TRPC4: variants seen among roughly 807,000 people sequenced by gnomAD.
TRPC4 encodes the protein transient receptor potential cation channel subfamily C member 4.
In TRPC4, 49 loss-of-function variants were observed where a neutral mutation model predicts 99.4. The ratio of observed to expected loss-of-function variants is 0.49; its 90% CI spans 0.39 to 0.63. The LOEUF is 0.63. Ranked by LOEUF, TRPC4 falls within the 20% of genes least tolerant of loss-of-function variation. The probability of loss-of-function intolerance (pLI) is 0.00; values close to 1 mark genes in which losing one functional copy is unlikely to be tolerated. For synonymous variants in TRPC4, 454 were observed against 425.9 expected (o/e 1.07, Z -0.81); for missense variants, 898 against 1,152.9 (o/e 0.78, Z 3.20).
At position 37,636,854 on chromosome 13, in the gene TRPC4, C is replaced by G. The variant is rs1392135553; in HGVS notation, c.*49G>C. 3 of 1,555,944 alleles carry G rather than the reference C, an allele frequency of 1.9e-6. No individual in the cohort carries two copies. Among genetic ancestry groups the G allele is most frequent in the Non-Finnish European group, 2.6e-6 (3 of 1,152,434 alleles). On this transcript the variant is annotated 3_prime_UTR_variant, in exon 11 of 11. Transcript: ENST00000379705. ...TTTAAACATTTTCCCCCACCCAGAGCACTACGGAAAATACGTATGTGTATG... is the reference window on the plus strand; with the variant it reads ...TTTAAACATTTTCCCCCACCCAGAGGACTACGGAAAATACGTATGTGTATG...
At chr13:37,645,594 GTTC>G (rs1358804304) in intron 8 of TRPC4, among the ~76,000 whole-genome samples, 25 of 152,248 alleles carry the variant, frequency 1.6e-4, no homozygotes, top group Admixed American at 1.6e-3. Flanking sequence ...AGCTTGCTGT[GTTC>G]TTCTCCTTTC....
chr13:37,637,368 C>CA lies in TRPC4; in HGVS notation c.2468dup (p.Val824GlyfsTer27), dbSNP rs764961777. The CA allele has an allele frequency of 6.2e-7, 1 of 1,613,630 alleles. No individual in the cohort carries two copies. Among genetic ancestry groups the CA allele is most frequent in the South Asian group, 1.1e-5 (1 of 91,066 alleles). ...TCTCCCTGGGCGGCTCCTGAACCAC[C>CA]AGGGCAGAGCCATTGCTTATGTTAT... On this transcript the variant is annotated frameshift_variant, in exon 11 of 11. Transcript: ENST00000379705. LOFTEE classifies it high-confidence loss of function.
chr13:37,851,711 GT>G (rs1959063119), intron 1 of TRPC4, among the ~76,000 whole-genome samples: 1 of 152,192 alleles, frequency 6.6e-6, no homozygotes, highest in Admixed American at 6.5e-5. Flanking sequence ...TGGTTTTAAT[GT>G]TATATCATTG....
intron 1 of TRPC4, among the ~76,000 whole-genome samples, chr13:37,804,849 C>T (rs1957490282): frequency 6.6e-6 from 1 of 151,908 alleles, no homozygotes; most frequent in Admixed American, 6.6e-5. Flanking sequence ...TCCAAGTAAT[C>T]CCACACTTAA....
chr13:37,674,583 C>G (rs557301532), intron 4 of TRPC4, among the ~76,000 whole-genome samples: 2 of 152,284 alleles, frequency 1.3e-5, no homozygotes, highest in African/African-American at 4.8e-5. Flanking sequence ...TTAGGACAGC[C>G]TCACTTTCTT....
chr13:37,639,173 T>C (rs368517467), intron 9 of TRPC4, 44 bp from the exon 10 acceptor site: 38 of 1,613,066 alleles, frequency 2.4e-5, no homozygotes, highest in Non-Finnish European at 3.2e-5. Flanking sequence ...AATGAGTAAA[T>C]AAATTTCCTC....
intron 6 of TRPC4, among the ~76,000 whole-genome samples, chr13:37,661,308 T>C (rs995104706): frequency 1.3e-5 from 2 of 152,232 alleles, no homozygotes; most frequent in East Asian, 3.9e-4. Flanking sequence ...GTTTGTAATA[T>C]GTTATTACTT....
At chr13:37,732,385 G>A (rs1186646493) in intron 3 of TRPC4, among the ~76,000 whole-genome samples, 1 of 152,056 alleles carries the variant, frequency 6.6e-6, no homozygotes, top group Non-Finnish European at 1.5e-5. Context: ...AAAGTTGACA[G>A]CATTCCTGTT....
intron 1 of TRPC4, among the ~76,000 whole-genome samples, chr13:37,868,252 G>C (rs1436122278): frequency 6.6e-6 from 1 of 151,692 alleles, no homozygotes; most frequent in Non-Finnish European, 1.5e-5. Flanking sequence ...ATATCTTTCA[G>C]AATGACCAGT....
chr13:37,644,888 AAAAAG>A (rs1425333859), intron 8 of TRPC4, among the ~76,000 whole-genome samples: 12 of 150,828 alleles, frequency 8.0e-5, no homozygotes, highest in Non-Finnish European at 1.6e-4. Context: ...AAAAAAAAAA[AAAAAG>A]AAAGAAATTT....
chr13:37,708,463 A>G (rs1296068464), intron 3 of TRPC4, among the ~76,000 whole-genome samples: 1 of 152,054 alleles, frequency 6.6e-6, no homozygotes, highest in Non-Finnish European at 1.5e-5. Flanking sequence ...TACCCAAAAC[A>G]TTGTTGAAAG....
intron 1 of TRPC4, among the ~76,000 whole-genome samples, chr13:37,787,934 G>A (rs923925982): frequency 5.9e-5 from 9 of 151,884 alleles, no homozygotes; most frequent in African/African-American, 1.9e-4. Flanking sequence ...CTTTGCAATG[G>A]TATATTCCCA....
chr13:37,714,328 C>T (rs181251343), intron 3 of TRPC4, among the ~76,000 whole-genome samples: 21 of 152,030 alleles, frequency 1.4e-4, no homozygotes, highest in Admixed American at 6.6e-4. Flanking sequence ...GGTTTCACCA[C>T]GTTCACAAGA....
At chr13:37,753,575 A>AAGAGAGAGAGAGAGAGAGAG (rs61394712) in intron 2 of TRPC4, among the ~76,000 whole-genome samples, 39 of 137,340 alleles carry the variant, frequency 2.8e-4, no homozygotes, top group Admixed American at 1.7e-3. Flanking sequence ...GAGAGAGAGA[A>AAGAGAGAGAGAGAGAGAGAG]AGAGAGAGAG....
rs776338457 is a variant in TRPC4, at chr13:37,637,667, C to T, written c.2212-42G>A. 3.9e-5 allele frequency: 59 copies of T among 1,516,548 alleles called. 1 individual carries two copies. Among genetic ancestry groups the T allele is most frequent in the Non-Finnish European group, 4.2e-5 (48 of 1,133,526 alleles). 93.9% of individuals were successfully genotyped at this position (1,516,548 alleles called of 1,614,324 possible). On this transcript the variant is annotated intron_variant, in intron 10 of 10. Transcript: ENST00000379705. ...ATGAAAAATTCGGTTATGACTTAAACATTTGGAAACATCATTTTCTCGTCT... is the reference window on the plus strand; with the variant it reads ...ATGAAAAATTCGGTTATGACTTAAATATTTGGAAACATCATTTTCTCGTCT...
intron 3 of TRPC4, among the ~76,000 whole-genome samples, chr13:37,717,136 A>C (rs1593577864): frequency 6.6e-6 from 1 of 152,154 alleles, no homozygotes; most frequent in Admixed American, 6.6e-5. Context: ...GGGAGTTATA[A>C]GGGAGAAAAT....
chr13:37,724,740 C>T (rs560519117), intron 3 of TRPC4, among the ~76,000 whole-genome samples: 153 of 152,100 alleles, frequency 1.0e-3, no homozygotes, highest in Non-Finnish European at 2.0e-3. Context: ...TTGGCAAGGC[C>T]CAAGATTCCA....
intron 1 of TRPC4, among the ~76,000 whole-genome samples, chr13:37,837,307 AC>A (rs1412380053): frequency 1.3e-5 from 2 of 152,176 alleles, no homozygotes; most frequent in African/African-American, 4.8e-5. Context: ...CTTCCTCCAG[AC>A]CCTAGAATGG....
At chr13:37,785,098 C>T (rs1956936073) in intron 1 of TRPC4, among the ~76,000 whole-genome samples, 1 of 152,012 alleles carries the variant, frequency 6.6e-6, no homozygotes, top group Non-Finnish European at 1.5e-5. Context: ...ACAGGAATAG[C>T]ATTTATATTA....
Sources: allele counts gnomAD v4.1 joint callset (sites outside exome capture counted in the v4.1 genomes callset), GRCh38; gene constraint gnomAD v4.1.1; transcripts MANE v1.5; gene names NCBI Gene and HGNC (gene_info 2026-07-23, HGNC 2026-07-21).